PCDH9: variants seen among roughly 807,000 people sequenced by gnomAD.
PCDH9 encodes protocadherin-9.
In PCDH9, 24 loss-of-function variants were observed where a neutral mutation model predicts 70.6. The observed-to-expected ratio is 0.34, with a 90% confidence interval of 0.25 to 0.48. The LOEUF (loss-of-function observed/expected upper bound fraction) is 0.48, where lower values mean the gene tolerates loss of function less well. PCDH9 is among the 20% of genes least tolerant of loss of function. The pLI is 0.99. For missense variants in PCDH9, 1,281 were observed against 1,503.6 expected (o/e 0.85, Z 2.45); for synonymous variants, 562 against 558.5 (o/e 1.01, Z -0.09).
rs1367822927 is a variant in PCDH9, at chr13:67,225,895, CTCT to C, written c.2543_2545del (p.Gln848del). On this transcript the variant is annotated inframe_deletion, in exon 2 of 5. Transcript: ENST00000377865. ...CATCCATTCGGCACCTTGCTTGCTC[CTCT>C]GAGCTGCTTTGAACCTTGATGCATG... 1 of 1,613,962 alleles carries C rather than the reference CTCT, an allele frequency of 6.2e-7. No homozygotes were observed.
chr13:66,969,266 T>C (rs1256220251), intron 2 of PCDH9, among the ~76,000 whole-genome samples: 1 of 152,036 alleles, frequency 6.6e-6, no homozygotes, highest in African/African-American at 2.4e-5. Context: ...GCCCACTGAT[T>C]TTTATTTTTT....
At chr13:66,535,806 G>C (rs1434643722) in intron 4 of PCDH9, among the ~76,000 whole-genome samples, 3 of 151,922 alleles carry the variant, frequency 2.0e-5, no homozygotes, top group Non-Finnish European at 4.4e-5. Flanking sequence ...TGGGTAACAT[G>C]CTCTCCAATT....
intron 4 of PCDH9, among the ~76,000 whole-genome samples, chr13:66,547,414 C>T (rs555219924): frequency 5.9e-5 from 9 of 152,162 alleles, no homozygotes; most frequent in South Asian, 2.1e-4. Flanking sequence ...AATTGTTGGG[C>T]GATTAAGGTT....
chr13:66,349,772 G>A (rs933484929), intron 4 of PCDH9, among the ~76,000 whole-genome samples: 3 of 152,124 alleles, frequency 2.0e-5, no homozygotes, highest in African/African-American at 7.2e-5. Flanking sequence ...TACCAGTTAC[G>A]AGCTAAGAGA....
At chr13:66,696,785 T>A in intron 3 of PCDH9, among the ~76,000 whole-genome samples, 1 of 8,690 alleles carries the variant, frequency 1.2e-4, no homozygotes. Context: ...CAGGCAAACT[T>A]TTTTTTTTTT....
At chr13:66,498,380 A>G (rs559228123) in intron 4 of PCDH9, among the ~76,000 whole-genome samples, 6 of 151,866 alleles carry the variant, frequency 4.0e-5, no homozygotes, top group East Asian at 3.9e-4. Context: ...ATTTTTGACA[A>G]TCTTTTGCCT....
intron 2 of PCDH9, chr13:67,221,862 ATG>A (rs2089732632): frequency 6.6e-6 from 1 of 152,214 alleles, no homozygotes; most frequent in Non-Finnish European, 1.5e-5. Flanking sequence ...TTCTCTGGAT[ATG>A]ATAATACGAG....
chr13:66,391,590 CTA>C (rs1243661524), intron 4 of PCDH9, among the ~76,000 whole-genome samples: 3 of 152,044 alleles, frequency 2.0e-5, no homozygotes, highest in Non-Finnish European at 2.9e-5. Context: ...GGCAAGAAGT[CTA>C]TGCTCATTTC....
In PCDH9 at chr13:66,777,904, T is replaced by C. The variant is rs530728322; in HGVS notation, c.3138+125600A>G. On this transcript the variant is annotated intron_variant, in intron 3 of 4. Transcript: ENST00000377865. ...ACCCAAATGTCCAACAACGATAGAC[T>C]GGATTAAGAAAATGTGGCACATATA... Among the ~76,000 whole-genome samples the C allele has an allele frequency of 2.0e-5, 3 of 152,118 alleles. No individual in the cohort carries two copies. In the East Asian group the frequency reaches 5.8e-4, roughly 29 times the overall value.
intron 2 of PCDH9, among the ~76,000 whole-genome samples, chr13:67,159,540 C>G (rs966015820): frequency 6.6e-6 from 1 of 151,994 alleles, no homozygotes; most frequent in African/African-American, 2.4e-5. Context: ...TAATGGAGGT[C>G]AGAGAAACCA....
intron 2 of PCDH9, among the ~76,000 whole-genome samples, chr13:66,931,398 C>A (rs896900693): frequency 3.9e-5 from 6 of 151,986 alleles, no homozygotes; most frequent in African/African-American, 1.4e-4. Context: ...TCAACTCACC[C>A]TACTCAGTGA....
At chr13:66,871,002 T>C (rs1762357796) in intron 3 of PCDH9, among the ~76,000 whole-genome samples, 2 of 152,094 alleles carry the variant, frequency 1.3e-5, no homozygotes, top group South Asian at 2.1e-4. Context: ...TGTCCAACAA[T>C]GATAGGCTGG....
intron 4 of PCDH9, among the ~76,000 whole-genome samples, chr13:66,503,025 T>A (rs182676662): frequency 6.6e-6 from 1 of 152,238 alleles, no homozygotes; most frequent in East Asian, 1.9e-4. Flanking sequence ...CCTTAAAGAA[T>A]CAGTCATTCT....
At chr13:66,505,302 G>A (rs1057349018) in intron 4 of PCDH9, among the ~76,000 whole-genome samples, 27 of 152,150 alleles carry the variant, frequency 1.8e-4, no homozygotes, top group African/African-American at 6.5e-4. Context: ...GACTGGGGAG[G>A]CCTCACAATC....
intron 3 of PCDH9, among the ~76,000 whole-genome samples, chr13:66,806,027 AAT>A (rs56765988): frequency 0.088 from 13,321 of 152,046 alleles, 1,905 homozygotes; most frequent in African/African-American, 0.3. Flanking sequence ...ATGCACACAA[AAT>A]ATATATGTTT....
chr13:66,335,307 C>T (rs1006265642), intron 4 of PCDH9, among the ~76,000 whole-genome samples: 2 of 152,130 alleles, frequency 1.3e-5, no homozygotes, highest in African/African-American at 4.8e-5. Context: ...ATTGTGTCCT[C>T]TCCTACTTAT....
intron 2 of PCDH9, among the ~76,000 whole-genome samples, chr13:67,011,943 T>C (rs894007771): frequency 2.0e-5 from 3 of 152,084 alleles, no homozygotes; most frequent in Admixed American, 6.6e-5. Context: ...CTCTTCTTTA[T>C]AGCTTTATAA....
intron 3 of PCDH9, among the ~76,000 whole-genome samples, chr13:66,773,738 A>T (rs1652617978): frequency 6.6e-6 from 1 of 151,824 alleles, no homozygotes; most frequent in Non-Finnish European, 1.5e-5. Context: ...AGAAAGCAGA[A>T]GATGGTCTGA....
chr13:66,898,614 A>T (rs2082223766), intron 3 of PCDH9, among the ~76,000 whole-genome samples: 1 of 152,066 alleles, frequency 6.6e-6, no homozygotes, highest in South Asian at 2.1e-4. Flanking sequence ...TATAATATTC[A>T]TAATACAGCA....
Sources: allele counts gnomAD v4.1 joint callset (sites outside exome capture counted in the v4.1 genomes callset), GRCh38; gene constraint gnomAD v4.1.1; transcripts MANE v1.5; gene names NCBI Gene and HGNC (gene_info 2026-07-23, HGNC 2026-07-21).